Variants in ABCA2 observed in about 807,000 individuals in gnomAD.
ABCA2 encodes the protein ATP binding cassette subfamily A member 2.
A neutral mutation model predicts 262.8 loss-of-function variants in ABCA2; 84 were observed. The observed-to-expected ratio is 0.32, with a 90% CI of 0.27 to 0.38. The LOEUF is 0.38. ABCA2 is among the 10% of genes least tolerant of loss of function. The pLI is 1.00. For missense variants in ABCA2, 2,662 were observed against 3,405.9 expected (o/e 0.78, Z 5.44); for synonymous variants, 1,696 against 1,502.9 (o/e 1.13, Z -2.97).
Position 137,013,985 on chromosome 9 carries a change from C to A in ABCA2, c.4294G>T (p.Gly1432Cys). The change falls in exon 28 of 49, where the codon GGC becomes TGC. Residue 1432 changes from glycine to cysteine, a missense_variant. Physicochemically the swap from Gly to Cys is radical, Grantham distance 159 (BLOSUM62 -3). This residue lies in a region of ABCA2 where 75 missense variants were observed against 118.3 expected (regional missense o/e 0.63). Coordinates refer to ENST00000341511, the MANE Select transcript of ABCA2 (RefSeq NM_001606.5). ...RVGQGSRKLD[G>C]GWLKVRQFHG... ...AACTGGCGCACCTTCAGCCACCCGC[C>A]GTCCAGCTTGCGGCTGCCCTGGCCG... The A allele has an allele frequency of 6.2e-7, 1 of 1,612,226 alleles. No individual in the cohort carries two copies. Among genetic ancestry groups the A allele is most frequent in the Non-Finnish European group, 8.5e-7 (1 of 1,179,894 alleles).
chr9:137,024,305 T>G, intron 1 of ABCA2, 69 bp from the exon 2 acceptor site: 2 of 1,385,442 alleles, frequency 1.4e-6, no homozygotes, highest in Non-Finnish European at 2.0e-6. Flanking sequence ...CAGCCTCCCA[T>G]AGGGCTGGCC....
In ABCA2 at chr9:137,021,979, G is replaced by T. The variant is rs574467529; in HGVS notation, c.590C>A (p.Pro197His). 3.7e-6 allele frequency: 6 copies of T among 1,601,092 alleles called. No individual in the cohort carries two copies. Among genetic ancestry groups the T allele is most frequent in the Non-Finnish European group, 5.1e-6 (6 of 1,175,074 alleles). Residue 197 changes from proline (P) to histidine (H), a missense_variant, in exon 7 of 49, where the codon CCC (proline) becomes CAC (histidine). By Grantham distance (77) the Pro-to-His change is moderately conservative. Transcript: ENST00000341511. The surrounding 1 kb of genome is among the most constrained non-coding windows in gnomAD (Gnocchi z 6.0). ...PPEVYHLLFG[P>H]SSALDSQSGL... ...AGACTGTGAATCCAGGGCAGATGAG[G>T]GACCAAAGAGCAGGTGGTAGACCTA...
rs765508627 is a variant in ABCA2, at chr9:137,012,768, G to A, written c.5025C>T (p.Thr1675=). 2.5e-5 allele frequency: 40 copies of A among 1,612,554 alleles called. No individual in the cohort carries two copies. The highest frequency in any genetic ancestry group is 1.6e-4 in the Middle Eastern group (1 of 6,078). The change falls in exon 31 of 49, where the codon ACC becomes ACT. Residue 1675 remains threonine, a synonymous_variant. Coordinates refer to ENST00000341511, the MANE Select transcript of ABCA2 (RefSeq NM_001606.5). ...GCAGGTACTCAGAGACATTGTGGCCGGTGATGTCGGTCAGGATGTCGCCTG... is the reference window on the plus strand; with the variant it reads ...GCAGGTACTCAGAGACATTGTGGCCAGTGATGTCGGTCAGGATGTCGCCTG... ...VVTGDILTDI[T]GHNVSEYLLF... is the part of the protein sequence containing the mutation.
chr9:137,017,882 G>T lies in ABCA2; in HGVS notation c.2116C>A (p.His706Asn). ...ATCACCATGCACAGCGGCATCATGT[G>T]CTCAATGACAAACAGGAAGCTGCGG... ...TRDDFLFVIE[H>N]MMPLCMVISW... The change falls in exon 16 of 49, where the codon CAC becomes AAC. Residue 706 changes from histidine to asparagine, a missense_variant. Transcript: ENST00000341511. 1 of 1,612,612 alleles carries T rather than the reference G, an allele frequency of 6.2e-7. No homozygotes were observed. The highest frequency in any genetic ancestry group is 8.5e-7 in the Non-Finnish European group (1 of 1,179,848).
rs186451289 is a variant in ABCA2 at position 137,023,356 on chromosome 9, C to T, written c.164-304G>A. 84 of 691,554 alleles carry T rather than the reference C, an allele frequency of 1.2e-4. No homozygotes were observed. The African/African-American group carries it at 1.3e-3, about 10-fold the overall frequency. The allele number at this position is 691,554 out of a possible 1,614,324, so 42.8% of individuals were successfully genotyped here. On this transcript the variant is annotated intron_variant, in intron 3 of 48. Coordinates refer to ENST00000341511, the MANE Select transcript of ABCA2 (RefSeq NM_001606.5). Reference sequence around the variant, plus strand: ...AGGCCCACATGCCCTGGCACTCTCCCCCCGAAAACGTTTCAGGTGTGGCAC... The same window carrying T: ...AGGCCCACATGCCCTGGCACTCTCCTCCCGAAAACGTTTCAGGTGTGGCAC...
intron 2 of ABCA2, 96 bp from the exon 3 acceptor site, chr9:137,023,936 G>C (rs144186138): frequency 7.6e-7 from 1 of 1,322,378 alleles, no homozygotes. Context: ...CCAGGAAGAG[G>C]CGTTGGCATC....
chr9:137,020,275 G>C (rs747795741), intron 10 of ABCA2, 61 bp downstream of exon 10: 124 of 1,601,948 alleles, frequency 7.7e-5, no homozygotes, highest in Non-Finnish European at 1.0e-4. Flanking sequence ...AGGGGTCCCA[G>C]GCCTGCAGAG....
In ABCA2 at chr9:137,015,394, C is replaced by A; in HGVS notation, c.3697+20G>T. 6.5e-7 allele frequency: 1 copy of A among 1,542,096 alleles called. No homozygotes were observed. The highest frequency in any genetic ancestry group is 2.4e-5 in the East Asian group (1 of 41,092). ...GGGAGAAGGTGGCCCGAAGCCAGCT[C>A]AGGCAGCTTCAACACAGACCTTGGG... On this transcript the variant is annotated intron_variant, in intron 24 of 48. Transcript: ENST00000341511.
At chr9:137,022,292 C>T in intron 6 of ABCA2, 59 bp downstream of exon 6, 1 of 1,511,966 alleles carries the variant, frequency 6.6e-7, no homozygotes, top group Non-Finnish European at 8.8e-7. Context: ...GCTCAGCAAC[C>T]AGGGGGCGTG....
At position 137,017,213 on chromosome 9, in the gene ABCA2, A is replaced by T. The variant is rs1303421096; in HGVS notation, c.2536T>A (p.Phe846Ile). ...EEVAHDKITA[F>I]EKCIASLMST... ...ACCCTCACCGCGATGCACTTCTCGA[A>T]GGCCGTGATCTTATCATGCGCCACC... Residue 846 changes from phenylalanine (F) to isoleucine (I), a missense_variant, in exon 18 of 49, where the codon TTC becomes ATC. Coordinates refer to ENST00000341511, the MANE Select transcript of ABCA2 (RefSeq NM_001606.5). 10 of 1,612,510 alleles carry T rather than the reference A, an allele frequency of 6.2e-6. No individual in the cohort carries two copies. The highest frequency in any genetic ancestry group is 8.5e-6 in the Non-Finnish European group (10 of 1,179,862).
At position 137,008,418 on chromosome 9, in the gene ABCA2, G is replaced by A. The variant is rs773689715; in HGVS notation, c.7273C>T (p.Arg2425Trp). 31 of 1,549,906 alleles carry A rather than the reference G, an allele frequency of 2.0e-5. No individual in the cohort carries two copies. The highest frequency in any genetic ancestry group is 1.4e-4 in the South Asian group (12 of 84,122). Residue 2425 changes from arginine to tryptophan, a missense_variant and splice_region_variant, in exon 48 of 49, where the codon CGG (arginine) becomes TGG (tryptophan). Physicochemically the swap from Arg to Trp is moderately radical, Grantham distance 101. This residue lies in a region of ABCA2 where 212 missense variants were observed against 214.4 expected (regional missense o/e 0.99). Coordinates refer to ENST00000341511, the MANE Select transcript of ABCA2 (RefSeq NM_001606.5). ...AGCCATGAGAGCAGCCTGCTCACCC[G>A]CTCCTCCTCGAAGCTGATGAGGCCC... Reference protein sequence around the residue: ...DEGLISFEEERAQLSFNTDTL... With the variant: ...DEGLISFEEEWAQLSFNTDTL...
At chr9:137,023,138 C>T (rs1831538284) in intron 3 of ABCA2, 86 bp from the exon 4 acceptor site, 5 of 1,064,330 alleles carry the variant, frequency 4.7e-6, no homozygotes, top group Non-Finnish European at 4.2e-6. Flanking sequence ...AGACAGAGGC[C>T]GAGAGGAGAA....
intron 31 of ABCA2, 55 bp from the exon 32 acceptor site, chr9:137,012,645 G>A (rs775392422): frequency 8.1e-6 from 13 of 1,610,036 alleles, no homozygotes; most frequent in East Asian, 4.5e-5. Flanking sequence ...AGGCTAGAGG[G>A]GCAGGAGTTG....
chr9:137,010,582 A>G, intron 40 of ABCA2, 38 bp downstream of exon 40: 24 of 1,058,674 alleles, frequency 2.3e-5, no homozygotes, highest in Non-Finnish European at 3.3e-5. Context: ...GCCCTGGCCT[A>G]CCCCACCCAG....
intron 47 of ABCA2, 34 bp downstream of exon 47, chr9:137,008,697 C>T (rs373232674): frequency 3.8e-6 from 6 of 1,565,744 alleles, no homozygotes; most frequent in Non-Finnish European, 3.5e-6. Context: ...AGGGGAGGGG[C>T]AGGTGTGGTG....
intron 1 of ABCA2, among the ~76,000 whole-genome samples, chr9:137,024,640 C>T (rs1033582578): frequency 2.0e-5 from 3 of 152,230 alleles, no homozygotes; most frequent in African/African-American, 7.2e-5. Flanking sequence ...TCCCACACTG[C>T]CCCGGGTTCA....
chr9:137,013,871 A>C lies in ABCA2; in HGVS notation c.4408T>G (p.Cys1470Gly), dbSNP rs373123212. The change falls in exon 28 of 49, where the codon TGC becomes GGC. Residue 1470 changes from cysteine (C) to glycine (G), a missense_variant. Cys to Gly is a radical substitution (Grantham distance 159). Around this residue, in one of 12 missense-constraint regions of ABCA2, gnomAD observed 75 missense variants for 118.3 expected, o/e 0.63. Transcript: ENST00000341511. ...SQILLPAFFV[C>G]VAMTVALSVP... The stretch of plus-strand genomic sequence containing the variant: ...GACAGGGCCACGGTCATGGCCACGC[A>C]GACGAAGAAGGCTGGCAGCAAGATC... 1 of 1,611,770 alleles carries C rather than the reference A, an allele frequency of 6.2e-7. No individual in the cohort carries two copies. The highest frequency in any genetic ancestry group is 8.5e-7 in the Non-Finnish European group (1 of 1,179,538).
At chr9:137,016,883 C>G in intron 19 of ABCA2, 37 bp downstream of exon 19, 1 of 1,602,630 alleles carries the variant, frequency 6.2e-7, no homozygotes, top group Non-Finnish European at 8.5e-7. Flanking sequence ...GCTGGGGACC[C>G]CTGCCTCTCC....
Position 137,007,877 on chromosome 9 carries a change from C to CCAG in ABCA2, c.*49_*51dup. On this transcript the variant is annotated 3_prime_UTR_variant, in exon 49 of 49. Transcript: ENST00000341511. ...CTGTCCCCATTGTTGAGTCCCTGGC[C>CCAG]CAGCTCTGGGTGGTCAGTGGAGCGT... 1 of 1,600,610 alleles carries CCAG rather than the reference C, an allele frequency of 6.2e-7. No individual in the cohort carries two copies. The highest frequency in any genetic ancestry group is 1.3e-5 in the African/African-American group (1 of 74,912).
Sources: allele counts gnomAD v4.1 joint callset (sites outside exome capture counted in the v4.1 genomes callset), GRCh38; gene constraint gnomAD v4.1.1; regional missense constraint gnomAD v4.1.1; non-coding constraint Gnocchi (gnomAD v3.1); transcripts MANE v1.5; gene names NCBI Gene and HGNC (gene_info 2026-07-23, HGNC 2026-07-21).